The following FLNB variants were observed in gnomAD, a reference collection of about 807,000 sequenced individuals.
FLNB encodes filamin B, also known as filamin-B.
In FLNB, 111 loss-of-function variants were observed where a neutral mutation model predicts 250.6. That is an observed-to-expected ratio of 0.44 (90% CI 0.38 to 0.52). The LOEUF (loss-of-function observed/expected upper bound fraction) is 0.52. Among genes scored for constraint, FLNB ranks in the 20% least tolerant of loss-of-function variants. The pLI, the probability that FLNB is intolerant of heterozygous loss-of-function variation, is 0.00. For synonymous variants in FLNB, 1,302 were observed against 1,372.1 expected (o/e 0.95, Z 1.13); for missense variants, 2,869 against 3,447.8 (o/e 0.83, Z 4.20).
At chr3:58,155,753 GT>G (rs1489654980) in intron 40 of FLNB, among the ~76,000 whole-genome samples, 5 of 152,272 alleles carry the variant, frequency 3.3e-5, no homozygotes, top group African/African-American at 9.6e-5. Context: ...TGGGGACCCT[GT>G]GAGCCCCGGT....
intron 1 of FLNB, among the ~76,000 whole-genome samples, chr3:58,034,128 A>G (rs1025492304): frequency 3.3e-5 from 5 of 152,174 alleles, no homozygotes; most frequent in Non-Finnish European, 7.3e-5. Flanking sequence ...CCCAAAGTGC[A>G]GGGATTATAG....
chr3:58,134,649 T>A lies in FLNB; in HGVS notation c.4548T>A (p.Asp1516Glu), dbSNP rs781315781. 1 of 1,614,192 alleles carries A rather than the reference T, an allele frequency of 6.2e-7. No homozygotes were observed. The highest frequency in any genetic ancestry group is 1.1e-5 in the South Asian group (1 of 91,090). Reference sequence around the variant, plus strand: ...AGGTCAAGGTCCTTCCCACATATGATGCCAGCAAAGTGACTGCCAGTGGCC... The same window carrying A: ...AGGTCAAGGTCCTTCCCACATATGAAGCCAGCAAAGTGACTGCCAGTGGCC... ...PFKVKVLPTY[D>E]ASKVTASGPG... The change falls in exon 27 of 46, where the codon GAT becomes GAA. Residue 1516 changes from aspartate (D) to glutamate (E), a missense_variant. By Grantham distance (45) the Asp-to-Glu change is conservative. Transcript: ENST00000295956.
intron 11 of FLNB, 117 bp downstream of exon 11, chr3:58,105,333 C>T: frequency 7.7e-7 from 1 of 1,297,716 alleles, no homozygotes; most frequent in Non-Finnish European, 1.1e-6. Flanking sequence ...GCTTCCTGGC[C>T]TCCTGGCCAC....
intron 12 of FLNB, among the ~76,000 whole-genome samples, 191 bp from the exon 13 acceptor site, chr3:58,108,267 G>A (rs2097263014): frequency 6.6e-6 from 1 of 152,154 alleles, no homozygotes; most frequent in South Asian, 2.1e-4. Flanking sequence ...CCCTTATGAG[G>A]GAGAGACATT....
intron 22 of FLNB, among the ~76,000 whole-genome samples, chr3:58,125,063 G>A (rs540799576): frequency 6.6e-6 from 1 of 152,302 alleles, no homozygotes; most frequent in South Asian, 2.1e-4. Context: ...TTGGGGTGGA[G>A]TGGCTTATGT....
Position 58,077,395 on chromosome 3 carries a change from C to T in FLNB, c.541+101C>T, listed in dbSNP as rs141485654. 118 of 1,434,232 alleles carry T rather than the reference C, an allele frequency of 8.2e-5. No homozygotes were observed. In the African/African-American group the frequency reaches 9.5e-4, roughly 12 times the overall value. The allele number at this position is 1,434,232 out of a possible 1,614,324, so 88.8% of individuals were successfully genotyped here. A position where few individuals can be genotyped will look rare whatever the true frequency, so the allele number is the denominator to read the frequency against. On this transcript the variant is annotated intron_variant, in intron 2 of 45. Transcript: ENST00000295956. Reference sequence around the variant, plus strand: ...GGAATGCTATCTTTGCTTTGATTAGCGTATTTCTCCAGGTCTTAGCCCATT... The same window carrying T: ...GGAATGCTATCTTTGCTTTGATTAGTGTATTTCTCCAGGTCTTAGCCCATT...
Position 58,117,547 on chromosome 3 carries a change from G to A in FLNB, c.2746-1325G>A, listed in dbSNP as rs377733554. Among the ~76,000 whole-genome samples, 6 of 152,168 alleles carry A rather than the reference G, an allele frequency of 3.9e-5. No homozygotes were observed. The East Asian group carries it at 5.8e-4, about 15-fold the overall frequency. ...GAATTGTTAGGGGCTGTGGGGAAAC[G>A]GAAGCTCGGGAAGAGTTGGCACGTT... On this transcript the variant is annotated intron_variant, in intron 18 of 45. Coordinates refer to ENST00000295956, the MANE Select transcript of FLNB (RefSeq NM_001457.4).
intron 1 of FLNB, among the ~76,000 whole-genome samples, chr3:58,030,225 G>A (rs2097129051): frequency 6.6e-6 from 1 of 152,162 alleles, no homozygotes; most frequent in Admixed American, 6.6e-5. Flanking sequence ...AGCAAGAATA[G>A]ACTTCAAGGA....
At chr3:58,099,046 T>C in intron 8 of FLNB, 138 bp downstream of exon 8, 2 of 748,188 alleles carry the variant, frequency 2.7e-6, no homozygotes, top group South Asian at 2.9e-5. Context: ...ACTTCAGCAG[T>C]AAGTGGCTTA....
chr3:58,166,620 A>G (rs1288445964), intron 43 of FLNB, among the ~76,000 whole-genome samples: 1 of 152,098 alleles, frequency 6.6e-6, no homozygotes, highest in East Asian at 1.9e-4. Flanking sequence ...TAGGAGTTTG[A>G]GACCAGCCCA....
At chr3:58,161,732 G>GTTCT (rs1272416328) in intron 42 of FLNB, among the ~76,000 whole-genome samples, 1 of 152,170 alleles carries the variant, frequency 6.6e-6, no homozygotes, top group Non-Finnish European at 1.5e-5. Context: ...TATTTCTGCT[G>GTTCT]TTCTGCTTTG....
chr3:58,027,092 G>A (rs1024219892), intron 1 of FLNB, among the ~76,000 whole-genome samples: 2 of 152,170 alleles, frequency 1.3e-5, no homozygotes, highest in Admixed American at 6.5e-5. Context: ...TGGGAAAGGT[G>A]TAGGACATGC....
chr3:58,161,522 C>T (rs67476047), intron 42 of FLNB, among the ~76,000 whole-genome samples: 20,967 of 152,100 alleles, frequency 0.14, 1,831 homozygotes, highest in African/African-American at 0.23. Flanking sequence ...CCACCCCAGA[C>T]AGGATTTGAA....
chr3:58,106,801 C>T lies in FLNB; in HGVS notation c.1869C>T (p.Asp623=), dbSNP rs2140104. 70,444 of 1,613,896 alleles carry T rather than the reference C, an allele frequency of 0.044. 1,689 individuals carry two copies. Among genetic ancestry groups the T allele is most frequent in the African/African-American group, 0.051 (3,851 of 75,002 alleles). ...AATATGCTGTTCACATCATGTGTGA[C>T]GACGAAGACATCAAGGACAGCCCGT... ...PGEYAVHIMC[D]DEDIKDSPYM... is the part of the protein sequence containing the mutation. Residue 623 remains aspartate, a synonymous_variant, in exon 12 of 46, where the codon GAC becomes GAT. Transcript: ENST00000295956.
intron 4 of FLNB, among the ~76,000 whole-genome samples, chr3:58,089,622 A>G (rs1288424108): frequency 6.6e-6 from 1 of 152,144 alleles, no homozygotes; most frequent in Admixed American, 6.6e-5. Context: ...AATCTCAACA[A>G]AGAAATACAA....
chr3:58,126,885 G>A lies in FLNB; in HGVS notation c.4222+123G>A, dbSNP rs1559713911. The A allele has an allele frequency of 9.1e-6, 8 of 883,540 alleles. No homozygotes were observed. The South Asian group carries it at 1.0e-4, about 11-fold the overall frequency. 54.7% of individuals were successfully genotyped at this position (883,540 alleles called of 1,614,324 possible). On this transcript the variant is annotated intron_variant, in intron 24 of 45. Coordinates refer to ENST00000295956, the MANE Select transcript of FLNB (RefSeq NM_001457.4). ...TATTTGTAATAGCTGCAAAAGGAGA[G>A]TTTTTCTTAGGGCTACATCTCCAAG...
At chr3:58,016,927 G>A (rs1008498823) in intron 1 of FLNB, among the ~76,000 whole-genome samples, 1 of 152,160 alleles carries the variant, frequency 6.6e-6, no homozygotes, top group Non-Finnish European at 1.5e-5. Context: ...CATTACTGTT[G>A]TAAATCTAGT....
At chr3:58,057,101 G>C (rs945617009) in intron 1 of FLNB, among the ~76,000 whole-genome samples, 8 of 152,078 alleles carry the variant, frequency 5.3e-5, no homozygotes, top group Non-Finnish European at 7.3e-5. Flanking sequence ...TCAGTCTCCT[G>C]AGTAGCTGGG....
At chr3:58,075,592 A>G (rs1254297772) in intron 1 of FLNB, among the ~76,000 whole-genome samples, 1 of 152,046 alleles carries the variant, frequency 6.6e-6, no homozygotes, top group Non-Finnish European at 1.5e-5. Context: ...TGCAGCGGGA[A>G]CCCTGGTGAA....
Sources: gnomAD v4.1 joint callset for allele counts (sites outside exome capture counted in the v4.1 genomes callset) on GRCh38, gnomAD v4.1.1 for gene constraint, MANE v1.5 for transcripts, NCBI Gene and HGNC (gene_info 2026-07-23, HGNC 2026-07-21) for gene names.